SH3RF3: variants seen among roughly 807,000 people sequenced by gnomAD.
SH3RF3 encodes SH3 domain containing ring finger 3.
A neutral mutation model predicts 66.3 loss-of-function variants in SH3RF3; 29 were observed. The ratio of observed to expected loss-of-function variants is 0.44; its 90% confidence interval spans 0.33 to 0.60. The LOEUF is 0.60. Ranked by LOEUF, SH3RF3 falls within the 20% of genes least tolerant of loss-of-function variation. The pLI is 0.04. For synonymous variants in SH3RF3, 583 were observed against 532.0 expected, an observed-to-expected ratio of 1.10 and a Z score of -1.32; for missense variants, 1,194 against 1,190.9, an observed-to-expected ratio of 1.00 and a Z score of -0.04.
chr2:109,408,589 G>A (rs754446047), intron 4 of SH3RF3, among the ~76,000 whole-genome samples: 1 of 152,364 alleles, frequency 6.6e-6, no homozygotes, highest in East Asian at 1.9e-4. Context: ...ACCAGCCCGT[G>A]AGCTTCGCTG....
At chr2:109,332,228 C>CCT (rs1010434314) in intron 1 of SH3RF3, among the ~76,000 whole-genome samples, 9 of 152,290 alleles carry the variant, frequency 5.9e-5, no homozygotes, top group Middle Eastern at 6.8e-3. Context: ...GACCTTCTTG[C>CCT]CTCTCTGAGT....
intron 1 of SH3RF3, among the ~76,000 whole-genome samples, chr2:109,295,849 C>T (rs1681294169): frequency 6.6e-6 from 1 of 152,148 alleles, no homozygotes; most frequent in Non-Finnish European, 1.5e-5. Context: ...CTCTGTGTAG[C>T]TTGAAGCTGG....
intron 1 of SH3RF3, among the ~76,000 whole-genome samples, chr2:109,293,767 A>T (rs1030148925): frequency 6.6e-6 from 1 of 152,170 alleles, no homozygotes. Context: ...AACAGGGTGC[A>T]CCCTCTCCCA....
chr2:109,247,768 A>AT (rs2105242607), intron 1 of SH3RF3, among the ~76,000 whole-genome samples: 1 of 152,336 alleles, frequency 6.6e-6, no homozygotes, highest in East Asian at 1.9e-4. Flanking sequence ...GAGGCTTAAA[A>AT]TAATACCTTT....
At chr2:109,333,824 GATA>G (rs957264458) in intron 1 of SH3RF3, among the ~76,000 whole-genome samples, 10 of 152,226 alleles carry the variant, frequency 6.6e-5, no homozygotes, top group African/African-American at 9.6e-5. Context: ...ATAATATGGA[GATA>G]ATAATATCTC....
intron 2 of SH3RF3, among the ~76,000 whole-genome samples, chr2:109,369,934 C>A (rs111330224): frequency 6.6e-6 from 1 of 152,204 alleles, no homozygotes. Context: ...CTTGGAAAGG[C>A]GGGTGGTGCA....
At chr2:109,179,372 C>T (rs959046290) in intron 1 of SH3RF3, among the ~76,000 whole-genome samples, 20 of 152,102 alleles carry the variant, frequency 1.3e-4, no homozygotes, top group Admixed American at 2.0e-4. Context: ...AAAAGCAGAA[C>T]GTGAGAGGAC....
intron 6 of SH3RF3, among the ~76,000 whole-genome samples, chr2:109,434,494 G>A (rs913958103): frequency 2.0e-5 from 3 of 152,236 alleles, no homozygotes; most frequent in Admixed American, 2.0e-4. Context: ...CTCCTGACGT[G>A]TGTCAGTCAG....
chr2:109,481,017 T>G (rs1678821369), intron 8 of SH3RF3, among the ~76,000 whole-genome samples: 1 of 152,178 alleles, frequency 6.6e-6, no homozygotes, highest in South Asian at 2.1e-4. Flanking sequence ...GTGTCATTGC[T>G]TCAGGCAAGA....
intron 1 of SH3RF3, among the ~76,000 whole-genome samples, chr2:109,295,323 G>A (rs1474605681): frequency 6.6e-6 from 1 of 152,218 alleles, no homozygotes; most frequent in Non-Finnish European, 1.5e-5. Flanking sequence ...GAAACCACAG[G>A]TCAGAGAGGT....
chr2:109,276,662 C>G (rs1680765095), intron 1 of SH3RF3, among the ~76,000 whole-genome samples: 1 of 152,126 alleles, frequency 6.6e-6, no homozygotes, highest in Non-Finnish European at 1.5e-5. Context: ...TGAACTGTTA[C>G]CAGACAAATA....
intron 1 of SH3RF3, among the ~76,000 whole-genome samples, chr2:109,189,838 T>C (rs1202202321): frequency 6.6e-6 from 1 of 152,174 alleles, no homozygotes; most frequent in Admixed American, 6.5e-5. Flanking sequence ...AAGCCGACAG[T>C]GGCCAGAGAT....
In SH3RF3 at chr2:109,412,182, C is replaced by T. The variant is rs190792259; in HGVS notation, c.1300-7357C>T. Among the ~76,000 whole-genome samples the T allele has an allele frequency of 7.5e-4, 115 of 152,394 alleles. 1 individual carries two copies. Among genetic ancestry groups the T allele is most frequent in the African/African-American group, 2.7e-3 (113 of 41,598 alleles). On this transcript the variant is annotated intron_variant, in intron 4 of 9. Transcript: ENST00000309415. ...TGGTCCACGATGCGTGTGCTCCGCACAGTGTGCACTCTCAGCCTAGCCTTC... is the reference window on the plus strand; with the variant it reads ...TGGTCCACGATGCGTGTGCTCCGCATAGTGTGCACTCTCAGCCTAGCCTTC...
At chr2:109,340,857 G>A (rs1312367059) in intron 1 of SH3RF3, among the ~76,000 whole-genome samples, 1 of 152,032 alleles carries the variant, frequency 6.6e-6, no homozygotes, top group African/African-American at 2.4e-5. Flanking sequence ...CTGCTTTGAT[G>A]CAACAGGGAA....
chr2:109,373,918 A>G (rs1320763832), intron 3 of SH3RF3, among the ~76,000 whole-genome samples: 1 of 152,114 alleles, frequency 6.6e-6, no homozygotes, highest in Non-Finnish European at 1.5e-5. Flanking sequence ...GTCCGCAAGC[A>G]GGTGCAGGCC....
intron 1 of SH3RF3, among the ~76,000 whole-genome samples, chr2:109,347,357 T>C (rs1682733784): frequency 6.6e-6 from 1 of 152,154 alleles, no homozygotes; most frequent in Non-Finnish European, 1.5e-5. Context: ...TGTCCCCATC[T>C]GTAAATGAAG....
At chr2:109,130,187 G>A in intron 1 of SH3RF3, 74 bp downstream of exon 1, 1 of 1,225,174 alleles carries the variant, frequency 8.2e-7, no homozygotes, top group Non-Finnish European at 1.0e-6. Context: ...GTGGGGGGCA[G>A]TGATGAGGTG....
intron 1 of SH3RF3, among the ~76,000 whole-genome samples, chr2:109,146,831 T>C (rs1156873419): frequency 4.0e-5 from 4 of 99,786 alleles, no homozygotes; most frequent in Admixed American, 1.4e-4. Flanking sequence ...CTCCCCTTCC[T>C]AACCCTCCCC....
At chr2:109,383,527 T>A (rs1675749209) in intron 3 of SH3RF3, among the ~76,000 whole-genome samples, 1 of 152,220 alleles carries the variant, frequency 6.6e-6, no homozygotes, top group Admixed American at 6.5e-5. Flanking sequence ...ACTTTCTGTT[T>A]CCAATGGATA....
Sources: gnomAD v4.1 joint callset for allele counts (sites outside exome capture counted in the v4.1 genomes callset) on GRCh38, gnomAD v4.1.1 for gene constraint, MANE v1.5 for transcripts, NCBI Gene and HGNC (gene_info 2026-07-23, HGNC 2026-07-21) for gene names.